The following PDZD9 variants were observed in gnomAD, a reference collection of about 807,000 sequenced individuals.
PDZD9 encodes the protein PDZ domain-containing protein 9.
Under a neutral mutation model 16.3 loss-of-function variants are expected in PDZD9, and 13 were observed. The observed-to-expected ratio is 0.80, with a 90% CI of 0.52 to 1.27. The LOEUF (loss-of-function observed/expected upper bound fraction) is 1.27. Among genes scored for constraint, PDZD9 ranks in the 50% most tolerant of loss-of-function variants. PDZD9 has a pLI of 0.00. For missense variants in PDZD9, 288 were observed against 310.9 expected (o/e 0.93, Z 0.55); for synonymous variants, 120 against 111.0 (o/e 1.08, Z -0.51).
chr16:21,975,410 G>A, the PDZD9 span, among the ~76,000 whole-genome samples: 1 of 152,106 alleles, frequency 6.6e-6, no homozygotes, highest in Non-Finnish European at 1.5e-5. Context: ...ATCAGGTCTG[G>A]GGTGTGGCTC....
the PDZD9 span, among the ~76,000 whole-genome samples, chr16:21,969,890 A>G: frequency 6.6e-6 from 1 of 151,276 alleles, no homozygotes; most frequent in East Asian, 1.9e-4. Context: ...TTTTTTAAAG[A>G]GATGGAGGTC....
the PDZD9 span, chr16:21,976,192 TA>T: frequency 6.2e-7 from 1 of 1,614,046 alleles, no homozygotes; most frequent in Non-Finnish European, 8.5e-7. Context: ...TATAATCAAG[TA>T]AAAACAATAG....
chr16:21,966,945 T>TA, the PDZD9 span, among the ~76,000 whole-genome samples: 1 of 152,338 alleles, frequency 6.6e-6, no homozygotes, highest in African/African-American at 2.4e-5. Flanking sequence ...TATTAGTTGA[T>TA]ACATAAAACT....
the PDZD9 span, chr16:21,959,558 T>C: frequency 6.5e-5 from 10 of 153,468 alleles, no homozygotes; most frequent in Admixed American, 2.0e-4. Flanking sequence ...CCATAAGGGT[T>C]GGAATTGGCT....
the PDZD9 span, among the ~76,000 whole-genome samples, chr16:21,970,442 C>T: frequency 6.6e-6 from 1 of 152,214 alleles, no homozygotes; most frequent in Non-Finnish European, 1.5e-5. Context: ...TCCACATCCT[C>T]ACCAACACTT....
the PDZD9 span, chr16:21,976,349 C>T: frequency 2.1e-6 from 2 of 973,728 alleles, no homozygotes; most frequent in South Asian, 3.0e-5. Context: ...CTGAGAAGTA[C>T]AGAAAAGCGT....
At chr16:21,988,970 CCATGCTGGAGTGCAGTGG>C (rs1194436819) in intron 2 of PDZD9, among the ~76,000 whole-genome samples, 179 bp from the exon 3 acceptor site, 1 of 149,666 alleles carries the variant, frequency 6.7e-6, no homozygotes, top group African/African-American at 2.5e-5. Context: ...TAACTGTCAC[CCATGCTGGAGTGCAGTGG>C]CATGATCTCA....
At chr16:21,964,156 T>C in the PDZD9 span, among the ~76,000 whole-genome samples, 1 of 152,194 alleles carries the variant, frequency 6.6e-6, no homozygotes, top group Admixed American at 6.5e-5. Flanking sequence ...TTCATGATGA[T>C]GCTTGGTGTC....
At chr16:21,964,176 C>A in the PDZD9 span, among the ~76,000 whole-genome samples, 3 of 152,100 alleles carry the variant, frequency 2.0e-5, no homozygotes, top group African/African-American at 7.2e-5. Context: ...CACAGAGGAG[C>A]ATTATCTTTG....
At chr16:21,978,542 T>C in the PDZD9 span, among the ~76,000 whole-genome samples, 1 of 152,178 alleles carries the variant, frequency 6.6e-6, no homozygotes, top group Non-Finnish European at 1.5e-5. Context: ...TCATACCCTA[T>C]GCTCACAGAC....
At chr16:21,958,647 C>T in the PDZD9 span, 1 of 1,531,826 alleles carries the variant, frequency 6.5e-7, no homozygotes, top group South Asian at 1.2e-5. Context: ...AGAAAATATT[C>T]AATTTTAAGG....
rs762820653 is a variant in PDZD9 at position 21,984,339 on chromosome 16, T to TGAGGTAGAG, written c.714_722dup (p.Ser239_Ser241dup). On this transcript the variant is annotated inframe_insertion, in exon 4 of 4. Transcript: ENST00000424898. ...CACAATCTTCCAGCCAAAATGCATC[T>TGAGGTAGAG]GAGGTAGAGGAGGTAGAGGAGGAAG... 190 of 1,614,126 alleles carry TGAGGTAGAG rather than the reference T, an allele frequency of 1.2e-4. 4 individuals carry two copies. In the Middle Eastern group the frequency reaches 6.4e-3, roughly 55 times the overall value.
At chr16:21,990,619 C>T (rs1028857335) in intron 2 of PDZD9, among the ~76,000 whole-genome samples, 4 of 152,186 alleles carry the variant, frequency 2.6e-5, no homozygotes, top group Non-Finnish European at 5.9e-5. Context: ...AACAGCTGCT[C>T]ATCCTACTGA....
the PDZD9 span, chr16:21,973,939 G>A: frequency 3.1e-6 from 5 of 1,611,694 alleles, no homozygotes; most frequent in Non-Finnish European, 4.2e-6. Context: ...GGACTCTTTG[G>A]GATTTATACT....
rs1381285916 is a variant in PDZD9, at chr16:22,001,072, G to A, written c.-25C>T. 4 of 1,514,802 alleles carry A rather than the reference G, an allele frequency of 2.6e-6. No homozygotes were observed. In the South Asian group the frequency reaches 4.9e-5, roughly 19 times the overall value. 93.8% of individuals were successfully genotyped at this position (1,514,802 alleles called of 1,614,324 possible). On this transcript the variant is annotated 5_prime_UTR_variant, in exon 1 of 4. Coordinates refer to ENST00000424898, the MANE Select transcript of PDZD9 (RefSeq NM_001363519.1). ...TGGTCCCGGGAGGTCAGGCAGCCCG[G>A]GAGGGCCTCCCGGAGCAGAGGCTGG...
At position 22,000,825 on chromosome 16, in the gene PDZD9, A is replaced by AATGATGATG. The variant is rs10611346; in HGVS notation, c.31+183_31+191dup. Among the ~76,000 whole-genome samples the AATGATGATG allele has an allele frequency of 4.1e-3, 571 of 140,586 alleles. 4 individuals carry two copies. The highest frequency in any genetic ancestry group is 0.013 in the African/African-American group (472 of 37,164). 92.2% of individuals were successfully genotyped at this position (140,586 alleles called of 152,430 possible). On this transcript the variant is annotated intron_variant, in intron 1 of 3. Coordinates refer to ENST00000424898, the MANE Select transcript of PDZD9 (RefSeq NM_001363519.1). ...GGGGACAAAGCAAGACTCCTTCTCA[A>AATGATGATG]ATGATGATGATGATGATGATGATGA... is the stretch of plus-strand genomic sequence containing the variant.
the PDZD9 span, among the ~76,000 whole-genome samples, chr16:21,966,472 A>G: frequency 6.6e-6 from 1 of 152,202 alleles, no homozygotes; most frequent in Admixed American, 6.5e-5. Context: ...CCCAAAAACA[A>G]ATTTTATCAA....
At chr16:21,973,942 T>C in the PDZD9 span, 1 of 1,612,168 alleles carries the variant, frequency 6.2e-7, no homozygotes. Context: ...CTCTTTGGGA[T>C]TTATACTATC....
chr16:21,983,025 C>A (rs879083443), downstream of PDZD9: 2 of 1,386,364 alleles, frequency 1.4e-6, no homozygotes, highest in Non-Finnish European at 1.0e-6. Context: ...AAAATAAGTT[C>A]GCCTGCTTGA....
Sources: allele counts gnomAD v4.1 joint callset (sites outside exome capture counted in the v4.1 genomes callset), GRCh38; gene constraint gnomAD v4.1.1; transcripts MANE v1.5; gene names NCBI Gene and HGNC (gene_info 2026-07-23, HGNC 2026-07-21).